Variants in VANGL1 observed in about 807,000 individuals in gnomAD.
VANGL1 encodes the protein VANGL planar cell polarity protein 1, also known as vang-like protein 1.
VANGL1 carries 18 observed loss-of-function variants against 48.4 expected under a neutral mutation model. The observed-to-expected ratio is 0.37, with a 90% CI of 0.26 to 0.55. The LOEUF (loss-of-function observed/expected upper bound fraction) is 0.55. VANGL1 is among the 20% of genes least tolerant of loss of function. The pLI is 0.81. For synonymous variants in VANGL1, 257 were observed against 261.8 expected (o/e 0.98, Z 0.18); for missense variants, 667 against 675.8 (o/e 0.99, Z 0.14).
intron 4 of VANGL1, among the ~76,000 whole-genome samples, chr1:115,672,553 T>A (rs763932502): frequency 1.2e-4 from 18 of 152,086 alleles, no homozygotes; most frequent in Non-Finnish European, 2.5e-4. Flanking sequence ...CCTGTGGATC[T>A]CCCCCTCTAT....
At chr1:115,679,984 A>AGT (rs768501546) in intron 4 of VANGL1, among the ~76,000 whole-genome samples, 2,430 of 137,482 alleles carry the variant, frequency 0.018, 31 homozygotes, top group Middle Eastern at 0.036. Flanking sequence ...CACACCAGGG[A>AGT]GTGTGTGTGT....
rs748761459 is a variant in VANGL1, at chr1:115,664,052, C to T, written c.596C>T (p.Ser199Phe). 5.0e-6 allele frequency: 8 copies of T among 1,614,140 alleles called. No individual in the cohort carries two copies. The highest frequency in any genetic ancestry group is 6.8e-6 in the Non-Finnish European group (8 of 1,180,030). Residue 199 changes from serine to phenylalanine, a missense_variant, in exon 4 of 8, where the codon TCC (serine) becomes TTC (phenylalanine). Physicochemically the swap from Ser to Phe is radical, Grantham distance 155 (BLOSUM62 -2). Transcript: ENST00000355485. Reference sequence around the variant, plus strand: ...GTCCTCATCTTTCTCTTTGTGGTTTCCTATTGGCTTTTTTACGGGGTCCGC... The same window carrying T: ...GTCCTCATCTTTCTCTTTGTGGTTTTCTATTGGCTTTTTTACGGGGTCCGC... ...LLVLIFLFVV[S>F]YWLFYGVRIL...
intron 4 of VANGL1, among the ~76,000 whole-genome samples, chr1:115,680,884 A>G (rs1240373983): frequency 1.3e-5 from 2 of 152,236 alleles, no homozygotes; most frequent in African/African-American, 4.8e-5. Context: ...TGGCTACTGC[A>G]AATAATCCTT....
Position 115,697,084 on chromosome 1 carries a change from A to C in VANGL1, c.*5705A>C, listed in dbSNP as rs1040471147. 2.0e-5 allele frequency: 3 copies of C among 152,176 alleles called. No individual in the cohort carries two copies. Among genetic ancestry groups the C allele is most frequent in the African/African-American group, 7.2e-5 (3 of 41,446 alleles). 9.4% of individuals were successfully genotyped at this position (152,176 alleles called of 1,614,324 possible). ...AGTTGCTCATCATTTAGGAGTGTTT[A>C]ATTCTAAAAAGCCTTCAGCCTAAGA... is the stretch of plus-strand genomic sequence containing the variant. On this transcript the variant is annotated 3_prime_UTR_variant, in exon 8 of 8. Coordinates refer to ENST00000355485, the MANE Select transcript of VANGL1 (RefSeq NM_138959.3).
intron 4 of VANGL1, among the ~76,000 whole-genome samples, chr1:115,664,971 C>G (rs539283890): frequency 1.3e-4 from 20 of 152,290 alleles, no homozygotes; most frequent in African/African-American, 4.8e-4. Flanking sequence ...CTTCATAGAA[C>G]CCCGTGACCT....
rs140030146 is a variant in VANGL1, at chr1:115,645,594, A to G, written c.-138+3508A>G. On this transcript the variant is annotated intron_variant, in intron 1 of 7. Coordinates refer to ENST00000355485, the MANE Select transcript of VANGL1 (RefSeq NM_138959.3). ...AGGATTTGAATGCTCTTCACCCACA[A>G]TTTGGGCTCATTGCTACTCTCTAGA... Among the ~76,000 whole-genome samples, 458 of 152,290 alleles carry G rather than the reference A, an allele frequency of 3.0e-3. 4 individuals are homozygous for G. Among genetic ancestry groups the G allele is most frequent in the African/African-American group, 0.01 (419 of 41,566 alleles).
chr1:115,675,057 G>A (rs1653113433), intron 4 of VANGL1, among the ~76,000 whole-genome samples: 1 of 152,140 alleles, frequency 6.6e-6, no homozygotes, highest in South Asian at 2.1e-4. Flanking sequence ...TTTCCTTCAA[G>A]TATCTAAAAG....
intron 1 of VANGL1, among the ~76,000 whole-genome samples, chr1:115,644,415 G>T (rs985321673): frequency 6.6e-6 from 1 of 152,176 alleles, no homozygotes; most frequent in African/African-American, 2.4e-5. Flanking sequence ...TTAGGGTCTC[G>T]CTGTATAGGG....
chr1:115,685,280 C>T lies in VANGL1; in HGVS notation c.1080-13C>T. On this transcript the variant is annotated splice_polypyrimidine_tract_variant and intron_variant, in intron 6 of 7. Coordinates refer to ENST00000355485, the MANE Select transcript of VANGL1 (RefSeq NM_138959.3). ...GCACCATCCTGATTACTTAGTGTTG[C>T]ATCACCTTCTAGGCTGGTGGTTGCA... is the stretch of plus-strand genomic sequence containing the variant. 1 of 1,613,590 alleles carries T rather than the reference C, an allele frequency of 6.2e-7. No individual in the cohort carries two copies. The highest frequency in any genetic ancestry group is 2.2e-5 in the East Asian group (1 of 44,874).
In VANGL1 at chr1:115,694,515, A is replaced by G. The variant is rs1309492213; in HGVS notation, c.*3136A>G. ...GTAGTTGGTGGTAGATTTCTCTCTC[A>G]TTTTGCCTCATAATCACTTTCGAGT... On this transcript the variant is annotated 3_prime_UTR_variant, in exon 8 of 8. Transcript: ENST00000355485. 4 of 152,022 alleles carry G rather than the reference A, an allele frequency of 2.6e-5. No individual in the cohort carries two copies. The highest frequency in any genetic ancestry group is 5.9e-5 in the Non-Finnish European group (4 of 68,014). 9.4% of individuals were successfully genotyped at this position (152,022 alleles called of 1,614,324 possible).
chr1:115,649,021 A>G (rs1170662388), intron 1 of VANGL1, among the ~76,000 whole-genome samples: 1 of 152,184 alleles, frequency 6.6e-6, no homozygotes, highest in African/African-American at 2.4e-5. Context: ...CAGTTCACTC[A>G]GGGCTGGAGA....
intron 4 of VANGL1, among the ~76,000 whole-genome samples, chr1:115,678,988 T>C (rs1050019163): frequency 1.6e-4 from 25 of 152,284 alleles, no homozygotes; most frequent in Non-Finnish European, 2.9e-4. Context: ...TATTGGATTT[T>C]ATCCCAAAAT....
intron 3 of VANGL1, 150 bp downstream of exon 3, chr1:115,659,923 A>G (rs912226836): frequency 8.8e-7 from 1 of 1,139,256 alleles, no homozygotes; most frequent in African/African-American, 1.5e-5. Context: ...TGTTGGTCTA[A>G]GGACAGCCTG....
chr1:115,678,953 A>AC (rs1394921842), intron 4 of VANGL1, among the ~76,000 whole-genome samples: 133 of 148,190 alleles, frequency 9.0e-4, no homozygotes, highest in African/African-American at 3.0e-3. Context: ...GACTGTCTCA[A>AC]AAAAAAAAAA....
intron 3 of VANGL1, among the ~76,000 whole-genome samples, chr1:115,660,936 G>A (rs989358152): frequency 1.3e-5 from 2 of 152,140 alleles, no homozygotes; most frequent in African/African-American, 2.4e-5. Flanking sequence ...TCTTAGGATT[G>A]GATCACCCTG....
At chr1:115,665,760 T>G (rs1652756753) in intron 4 of VANGL1, among the ~76,000 whole-genome samples, 1 of 152,234 alleles carries the variant, frequency 6.6e-6, no homozygotes, top group South Asian at 2.1e-4. Context: ...AGGTCACCGC[T>G]TTGCTGCATA....
chr1:115,672,101 C>T (rs1023970168), intron 4 of VANGL1, among the ~76,000 whole-genome samples: 2 of 152,160 alleles, frequency 1.3e-5, no homozygotes, highest in Non-Finnish European at 2.9e-5. Flanking sequence ...TGGTGTCCTC[C>T]GGGCATGCTC....
At chr1:115,656,570 C>A (rs901529347) in intron 2 of VANGL1, among the ~76,000 whole-genome samples, 1 of 152,224 alleles carries the variant, frequency 6.6e-6, no homozygotes, top group Middle Eastern at 3.2e-3. Context: ...GTTTAAGACA[C>A]ACTGGTTAGG....
In VANGL1 at chr1:115,689,888, G is replaced by A. The variant is rs185372571; in HGVS notation, c.1315-1231G>A. ...AGAGAATCACTTGAACCCGGGAGGC[G>A]GAGCTTGCAGTGAGCCGAGATTCTG... On this transcript the variant is annotated intron_variant, in intron 7 of 7. Coordinates refer to ENST00000355485, the MANE Select transcript of VANGL1 (RefSeq NM_138959.3). 1.6e-3 allele frequency among the ~76,000 whole-genome samples: 227 copies of A among 138,148 alleles called. 47 individuals are homozygous for A. The highest frequency in any genetic ancestry group is 5.5e-3 in the African/African-American group (201 of 36,600). The allele number at this position is 138,148 out of a possible 152,430, so 90.6% of individuals were successfully genotyped here.
Sources: allele counts gnomAD v4.1 joint callset (sites outside exome capture counted in the v4.1 genomes callset), GRCh38; gene constraint gnomAD v4.1.1; transcripts MANE v1.5; gene names NCBI Gene and HGNC (gene_info 2026-07-23, HGNC 2026-07-21).